Variants in DNAJC13 observed in about 807,000 individuals in gnomAD.
DNAJC13 encodes the protein DnaJ heat shock protein family (Hsp40) member C13.
In DNAJC13, 75 loss-of-function variants were observed where a neutral mutation model predicts 290.5. The ratio of observed to expected loss-of-function variants is 0.26; its 90% CI spans 0.21 to 0.31. The LOEUF (loss-of-function observed/expected upper bound fraction) is 0.31. DNAJC13 is among the 10% of genes least tolerant of loss of function. The probability of loss-of-function intolerance (pLI) is 1.00; values close to 1 mark genes in which losing one functional copy is unlikely to be tolerated. For missense variants in DNAJC13, 2,260 were observed against 2,674.5 expected (o/e 0.85, Z 3.42); for synonymous variants, 862 against 892.0 (o/e 0.97, Z 0.60).
At chr3:132,504,610 CTT>C (rs1348847330) in intron 41 of DNAJC13, among the ~76,000 whole-genome samples, 8 of 152,210 alleles carry the variant, frequency 5.3e-5, no homozygotes, top group African/African-American at 1.4e-4. Flanking sequence ...GCTTGCATGT[CTT>C]TGTATAAGAT....
At chr3:132,511,025 T>G (rs757357508) in intron 43 of DNAJC13, 42 bp from the exon 44 acceptor site, 23 of 1,591,592 alleles carry the variant, frequency 1.4e-5, no homozygotes, top group Non-Finnish European at 1.7e-5. Context: ...AGTTATTTCT[T>G]AGGGCACCCA....
chr3:132,449,977 G>A (rs10935011), intron 5 of DNAJC13, among the ~76,000 whole-genome samples: 32,463 of 151,974 alleles, frequency 0.21, 3,937 homozygotes, highest in African/African-American at 0.33. Flanking sequence ...TTTAAAGACT[G>A]AAACTGGATA....
In DNAJC13 at chr3:132,488,967, T is replaced by C. The variant is rs1934972955; in HGVS notation, c.3423-9T>C. 1 of 1,599,164 alleles carries C rather than the reference T, an allele frequency of 6.3e-7. No individual in the cohort carries two copies. Among genetic ancestry groups the C allele is most frequent in the Non-Finnish European group, 8.6e-7 (1 of 1,167,728 alleles). On this transcript the variant is annotated splice_polypyrimidine_tract_variant and intron_variant, in intron 30 of 55. Transcript: ENST00000260818. Reference sequence around the variant, plus strand: ...CTATATCTGATAGATAATTCATTTTTCTTTCTAGATTTTTGAAATACACAC... The same window carrying C: ...CTATATCTGATAGATAATTCATTTTCCTTTCTAGATTTTTGAAATACACAC...
At chr3:132,420,929 A>G (rs865979868) in intron 1 of DNAJC13, among the ~76,000 whole-genome samples, 9 of 152,370 alleles carry the variant, frequency 5.9e-5, no homozygotes, top group Middle Eastern at 3.4e-3. Context: ...AAAAACTCCC[A>G]AGAGAAAGAG....
At chr3:132,496,211 CAGT>C (rs1331308654) in intron 35 of DNAJC13, among the ~76,000 whole-genome samples, 6 of 152,228 alleles carry the variant, frequency 3.9e-5, no homozygotes, top group South Asian at 2.1e-4. Flanking sequence ...GCTTAATAAA[CAGT>C]AGCTCATAAT....
chr3:132,456,292 T>C lies in DNAJC13; in HGVS notation c.990T>C (p.Val330=). The stretch of plus-strand genomic sequence containing the variant: ...TAAGAGCCTCTGGTAATAGAGATGT[T>C]TGTGTAAAAATGACACCAACCCATA... The part of the protein sequence containing the change: ...DGVRASGNRD[V]CVKMTPTHKG... Residue 330 remains valine, a synonymous_variant, in exon 10 of 56, where the codon GTT becomes GTC. Coordinates refer to ENST00000260818, the MANE Select transcript of DNAJC13 (RefSeq NM_015268.4). The C allele has an allele frequency of 6.2e-7, 1 of 1,614,010 alleles. No individual in the cohort carries two copies. The highest frequency in any genetic ancestry group is 8.5e-7 in the Non-Finnish European group (1 of 1,179,884).
At chr3:132,459,206 A>C (rs1468852679) in intron 13 of DNAJC13, among the ~76,000 whole-genome samples, 1 of 152,234 alleles carries the variant, frequency 6.6e-6, no homozygotes, top group Non-Finnish European at 1.5e-5. Context: ...TCTGGCTCCA[A>C]AGTTTATACA....
intron 6 of DNAJC13, among the ~76,000 whole-genome samples, chr3:132,452,352 AC>A (rs747969739): frequency 3.3e-5 from 5 of 152,142 alleles, no homozygotes; most frequent in Non-Finnish European, 5.9e-5. Context: ...TATTCAACAA[AC>A]CTTTATCTAA....
rs6791665 is a variant in DNAJC13, at chr3:132,462,595, T to C, written c.1770+72T>C. ...GCTGTTTTAATTGAAGTTGACAATATTGCCTTTCAGTCTTTTTGGGAAATA... is the reference window on the plus strand; with the variant it reads ...GCTGTTTTAATTGAAGTTGACAATACTGCCTTTCAGTCTTTTTGGGAAATA... On this transcript the variant is annotated intron_variant, in intron 16 of 55. Coordinates refer to ENST00000260818, the MANE Select transcript of DNAJC13 (RefSeq NM_015268.4). 400 of 1,081,688 alleles carry C rather than the reference T, an allele frequency of 3.7e-4. No individual in the cohort carries two copies. The African/African-American group carries it at 5.6e-3, about 15-fold the overall frequency. 67.0% of individuals were successfully genotyped at this position (1,081,688 alleles called of 1,614,324 possible).
chr3:132,460,939 C>G (rs1933776994), intron 14 of DNAJC13, 111 bp from the exon 15 acceptor site: 3 of 1,033,708 alleles, frequency 2.9e-6, no homozygotes, highest in Non-Finnish European at 2.8e-6. Context: ...AAATTAAAGT[C>G]AATGTTGATG....
intron 15 of DNAJC13, 122 bp downstream of exon 15, chr3:132,461,327 C>T (rs1679245243): frequency 5.0e-6 from 5 of 993,574 alleles, no homozygotes; most frequent in Admixed American, 2.2e-5. Flanking sequence ...GTTTGGCTTT[C>T]CTGGGCCACA....
intron 5 of DNAJC13, among the ~76,000 whole-genome samples, chr3:132,449,965 T>C (rs1933370167): frequency 6.6e-6 from 1 of 152,184 alleles, no homozygotes; most frequent in African/African-American, 2.4e-5. Context: ...ACCTTTTTTC[T>C]TTTTAAAGAC....
At chr3:132,418,730 A>G (rs1938872452) in intron 1 of DNAJC13, among the ~76,000 whole-genome samples, 1 of 152,186 alleles carries the variant, frequency 6.6e-6, no homozygotes, top group Non-Finnish European at 1.5e-5. Context: ...GTCTTGGGGA[A>G]AAAAGTAGAA....
At position 132,477,928 on chromosome 3, in the gene DNAJC13, C is replaced by T. The variant is rs751148078; in HGVS notation, c.2549+36C>T. 8 of 1,601,510 alleles carry T rather than the reference C, an allele frequency of 5.0e-6. No individual in the cohort carries two copies. In the East Asian group the frequency reaches 1.8e-4, roughly 36 times the overall value. On this transcript the variant is annotated intron_variant, in intron 23 of 55. Transcript: ENST00000260818. ...CTGTATATCCTGTCGCATTTGTTTT[C>T]ACTGTTGGTTTCATGGCTATTTCTA... is the stretch of plus-strand genomic sequence containing the variant.
Position 132,488,357 on chromosome 3 carries a change from C to T in DNAJC13, c.3327C>T (p.Ile1109=). The change falls in exon 30 of 56, where the codon ATC becomes ATT. Residue 1109 remains isoleucine (I), a synonymous_variant. Transcript: ENST00000260818. Reference sequence around the variant, plus strand: ...AGGTTGCTATTTTGTTATACCATATCATGCAAGATAACCCACAGTTACCCC... The same window carrying T: ...AGGTTGCTATTTTGTTATACCATATTATGCAAGATAACCCACAGTTACCCC... ...VEKVAILLYH[I]MQDNPQLPRL... is the part of the protein sequence containing the mutation. 1 of 1,613,592 alleles carries T rather than the reference C, an allele frequency of 6.2e-7. No individual in the cohort carries two copies. The highest frequency in any genetic ancestry group is 8.5e-7 in the Non-Finnish European group (1 of 1,179,722).
chr3:132,450,961 T>C, intron 6 of DNAJC13, 114 bp downstream of exon 6: 1 of 594,864 alleles, frequency 1.7e-6, no homozygotes, highest in East Asian at 2.9e-5. Flanking sequence ...TGGAAGGAAG[T>C]ATAATAGTCC....
At chr3:132,529,360 A>G (rs1936347371) in intron 54 of DNAJC13, among the ~76,000 whole-genome samples, 1 of 152,174 alleles carries the variant, frequency 6.6e-6, no homozygotes, top group Non-Finnish European at 1.5e-5. Context: ...TATTTCCCCT[A>G]CTAATGTTCC....
intron 2 of DNAJC13, among the ~76,000 whole-genome samples, chr3:132,435,701 G>A (rs1939367877): frequency 6.6e-6 from 1 of 152,104 alleles, no homozygotes; most frequent in Non-Finnish European, 1.5e-5. Flanking sequence ...GGTAGTATGA[G>A]TCATTTTAGT....
At chr3:132,419,141 A>G (rs745449098) in intron 1 of DNAJC13, among the ~76,000 whole-genome samples, 3 of 152,214 alleles carry the variant, frequency 2.0e-5, no homozygotes, top group Non-Finnish European at 4.4e-5. Flanking sequence ...AAATTATTAC[A>G]TTATACTCCT....
Sources: allele counts gnomAD v4.1 joint callset (sites outside exome capture counted in the v4.1 genomes callset), GRCh38; gene constraint gnomAD v4.1.1; transcripts MANE v1.5; gene names NCBI Gene and HGNC (gene_info 2026-07-23, HGNC 2026-07-21).